Variants in CSMD1 observed in about 807,000 individuals in gnomAD.
CSMD1 encodes CUB and sushi domain-containing protein 1.
Under a neutral mutation model 417.5 loss-of-function variants are expected in CSMD1, and 213 were observed. The ratio of observed to expected loss-of-function variants is 0.51; its 90% CI spans 0.46 to 0.57. The LOEUF is 0.57. Ranked by LOEUF, CSMD1 falls within the 20% of genes least tolerant of loss-of-function variation. The probability of loss-of-function intolerance (pLI) is 0.00; values close to 1 mark genes in which losing one functional copy is unlikely to be tolerated. For synonymous variants in CSMD1, 2,862 were observed against 1,736.8 expected (o/e 1.65, Z -16.11); for missense variants, 6,923 against 4,529.7 (o/e 1.53, Z -15.17).
chr8:3,024,949 G>T (rs1809740365), intron 51 of CSMD1, among the ~76,000 whole-genome samples: 2 of 151,286 alleles, frequency 1.3e-5, no homozygotes, highest in African/African-American at 4.8e-5. Flanking sequence ...GGATACACGT[G>T]CCCTAAAACT....
At chr8:3,780,308 T>C (rs544970211) in intron 5 of CSMD1, among the ~76,000 whole-genome samples, 124 of 152,344 alleles carry the variant, frequency 8.1e-4, no homozygotes, top group African/African-American at 2.9e-3. Context: ...ATTCCGCAAA[T>C]GAGTCAACTG....
intron 9 of CSMD1, among the ~76,000 whole-genome samples, chr8:3,583,245 T>C (rs1563173446): frequency 6.6e-6 from 1 of 151,866 alleles, no homozygotes; most frequent in Non-Finnish European, 1.5e-5. Flanking sequence ...TCTGCTTGAA[T>C]TTTTACTCAC....
intron 26 of CSMD1, among the ~76,000 whole-genome samples, chr8:3,266,185 C>A (rs989878574): frequency 1.6e-4 from 24 of 150,852 alleles, no homozygotes; most frequent in Middle Eastern, 3.4e-3. Flanking sequence ...CAAGGGCAAG[C>A]AGAAGACAAG....
At chr8:4,186,138 C>T (rs1403192718) in intron 3 of CSMD1, among the ~76,000 whole-genome samples, 1 of 152,100 alleles carries the variant, frequency 6.6e-6, no homozygotes, top group Non-Finnish European at 1.5e-5. Flanking sequence ...GATTTGGCAT[C>T]CAGAGGCCAC....
chr8:3,513,464 T>A (rs545060149), intron 10 of CSMD1, among the ~76,000 whole-genome samples: 37 of 152,212 alleles, frequency 2.4e-4, no homozygotes, highest in Non-Finnish European at 4.6e-4. Context: ...TAGCTGGGAT[T>A]ACAGGCCTGT....
chr8:4,387,400 T>A (rs1056405347), intron 3 of CSMD1, among the ~76,000 whole-genome samples: 1 of 151,920 alleles, frequency 6.6e-6, no homozygotes, highest in Non-Finnish European at 1.5e-5. Context: ...GGAAAATATT[T>A]TAAAAGAATT....
intron 3 of CSMD1, among the ~76,000 whole-genome samples, chr8:4,148,804 G>C (rs1021909098): frequency 2.6e-5 from 4 of 152,136 alleles, no homozygotes; most frequent in Non-Finnish European, 2.9e-5. Context: ...CATTGGGAAG[G>C]GATGTCATGA....
intron 3 of CSMD1, among the ~76,000 whole-genome samples, chr8:4,194,751 C>G (rs568479203): frequency 6.6e-6 from 1 of 151,546 alleles, no homozygotes; most frequent in African/African-American, 2.4e-5. Context: ...TTTAAATAAA[C>G]ATTTTTTTTA....
chr8:4,149,547 T>C (rs7000720), intron 3 of CSMD1, among the ~76,000 whole-genome samples: 64,543 of 152,048 alleles, frequency 0.42, 14,284 homozygotes, highest in East Asian at 0.53. Flanking sequence ...ACCAAAAATA[T>C]TTAATTCTAA....
chr8:3,817,332 G>C (rs1311193994), intron 5 of CSMD1, among the ~76,000 whole-genome samples: 1 of 128,074 alleles, frequency 7.8e-6, no homozygotes, highest in Non-Finnish European at 1.6e-5. Context: ...CCAGGCTGGA[G>C]TACAGTGGCG....
chr8:4,916,499 C>G (rs926450553), intron 1 of CSMD1, among the ~76,000 whole-genome samples: 1 of 152,266 alleles, frequency 6.6e-6, no homozygotes, highest in Admixed American at 6.5e-5. Context: ...TTTCTTTCTT[C>G]CTCATGGAAA....
chr8:4,909,786 G>A (rs898373765), intron 1 of CSMD1, among the ~76,000 whole-genome samples: 1 of 152,040 alleles, frequency 6.6e-6, no homozygotes. Flanking sequence ...ATTTGTTTTG[G>A]TTGTGACTCT....
intron 31 of CSMD1, among the ~76,000 whole-genome samples, chr8:3,204,603 G>T (rs1438775854): frequency 6.6e-6 from 1 of 152,092 alleles, no homozygotes; most frequent in Non-Finnish European, 1.5e-5. Flanking sequence ...TGACACAATA[G>T]AAGTTTACAA....
At chr8:3,736,300 G>A (rs1198484725) in intron 6 of CSMD1, among the ~76,000 whole-genome samples, 6 of 151,966 alleles carry the variant, frequency 3.9e-5, no homozygotes, top group African/African-American at 1.2e-4. Flanking sequence ...AGAGTGCAGT[G>A]GGGCAATCAC....
At chr8:4,063,997 G>T (rs551962668) in intron 3 of CSMD1, among the ~76,000 whole-genome samples, 1 of 152,142 alleles carries the variant, frequency 6.6e-6, no homozygotes, top group Non-Finnish European at 1.5e-5. Flanking sequence ...ATGGGGAAAT[G>T]AGTGTACCTA....
At chr8:4,016,695 T>C (rs925330402) in intron 4 of CSMD1, among the ~76,000 whole-genome samples, 5 of 152,236 alleles carry the variant, frequency 3.3e-5, no homozygotes, top group African/African-American at 9.6e-5. Flanking sequence ...AAAATAGATT[T>C]AGCCTTTAAG....
intron 1 of CSMD1, among the ~76,000 whole-genome samples, chr8:4,648,242 T>C (rs1330032592): frequency 2.6e-5 from 4 of 152,244 alleles, no homozygotes; most frequent in African/African-American, 9.6e-5. Flanking sequence ...TCATATCCTT[T>C]GCCCACTTTT....
At chr8:4,291,034 T>C (rs1308836936) in intron 3 of CSMD1, among the ~76,000 whole-genome samples, 2 of 152,142 alleles carry the variant, frequency 1.3e-5, no homozygotes, top group Non-Finnish European at 2.9e-5. Flanking sequence ...ATCTTCTTTG[T>C]ACCCTAGTGT....
chr8:4,257,900 T>C (rs1346897092), intron 3 of CSMD1, among the ~76,000 whole-genome samples: 4 of 152,200 alleles, frequency 2.6e-5, no homozygotes, highest in Admixed American at 6.5e-5. Context: ...GTGACCAGGC[T>C]AACAACAACA....
Sources: gnomAD v4.1 joint callset for allele counts (sites outside exome capture counted in the v4.1 genomes callset) on GRCh38, gnomAD v4.1.1 for gene constraint, MANE v1.5 for transcripts, NCBI Gene and HGNC (gene_info 2026-07-23, HGNC 2026-07-21) for gene names.